Variants in TBL1X observed in about 807,000 individuals in gnomAD.
TBL1X encodes the protein transducin beta like 1 X-linked.
Under a neutral mutation model 50.7 loss-of-function variants are expected in TBL1X, and 10 were observed. The observed-to-expected ratio is 0.20, with a 90% CI of 0.12 to 0.33. The LOEUF is 0.33. TBL1X is among the 10% of genes least tolerant of loss of function. TBL1X has a pLI of 1.00. For missense variants in TBL1X, 340 were observed against 504.4 expected (o/e 0.67, Z 3.12); for synonymous variants, 190 against 214.7 (o/e 0.88, Z 1.01).
chrX:9,669,977 TG>T (rs2082951181), intron 5 of TBL1X, among the ~76,000 whole-genome samples: 1 of 111,835 alleles, frequency 8.9e-6, no homozygotes, highest in Non-Finnish European at 1.9e-5. Flanking sequence ...CAAGCTAACC[TG>T]GGGGAAAAAT....
chrX:9,528,414 G>A (rs930144962), intron 2 of TBL1X, among the ~76,000 whole-genome samples: 3 of 110,837 alleles, frequency 2.7e-5, no homozygotes, highest in Non-Finnish European at 5.7e-5. Flanking sequence ...AGAGCGAGGA[G>A]TTCTCCCGAG....
chrX:9,621,310 C>G (rs994443139), intron 2 of TBL1X, among the ~76,000 whole-genome samples: 1 of 112,001 alleles, frequency 8.9e-6, no homozygotes, highest in African/African-American at 3.3e-5. Flanking sequence ...TTCAGAAACT[C>G]AGGGTGCCCA....
chrX:9,573,648 A>G (rs941991496), intron 2 of TBL1X, among the ~76,000 whole-genome samples: 3 of 112,534 alleles, frequency 2.7e-5, no homozygotes, highest in Non-Finnish European at 5.6e-5. Flanking sequence ...TCACCGTGCC[A>G]GGGATGCATT....
At chrX:9,607,964 ATTTTT>A (rs370098919) in intron 2 of TBL1X, among the ~76,000 whole-genome samples, 1 of 92,167 alleles carries the variant, frequency 1.1e-5, no homozygotes, top group Non-Finnish European at 2.2e-5. Flanking sequence ...CATGCCTGGA[ATTTTT>A]TTTTTTTTTT....
Position 9,552,941 on chromosome X carries a change from A to G in TBL1X, c.-131+51092A>G, listed in dbSNP as rs144999809. Among the ~76,000 whole-genome samples the G allele has an allele frequency of 6.9e-3, 768 of 111,476 alleles. 5 individuals carry two copies. Among genetic ancestry groups the G allele is most frequent in the African/African-American group, 0.024 (735 of 30,642 alleles). ...AAGGGTTATTTGAGCCCAGGAGTTC[A>G]AGGCCAGCCTGGGCAACAGAGAGAG... On this transcript the variant is annotated intron_variant, in intron 2 of 17. Transcript: ENST00000645353.
chrX:9,478,067 A>T lies in TBL1X; in HGVS notation c.-201+12620A>T, dbSNP rs745960954. On this transcript the variant is annotated intron_variant, in intron 1 of 17. Coordinates refer to ENST00000645353, the MANE Select transcript of TBL1X (RefSeq NM_005647.4). ...AGTAGTATAACAGGCATCGTGCCTCAGTTTCCTCATCTGTAAAATCAGGAT... is the reference window on the plus strand; with the variant it reads ...AGTAGTATAACAGGCATCGTGCCTCTGTTTCCTCATCTGTAAAATCAGGAT... Among the ~76,000 whole-genome samples the T allele has an allele frequency of 2.7e-5, 3 of 112,140 alleles. No homozygotes were observed. The South Asian group carries it at 1.1e-3, about 42-fold the overall frequency.
rs745608827 is a variant in TBL1X, at chrX:9,607,435, A to G, written c.-130-32838A>G. Among the ~76,000 whole-genome samples, 200 of 113,511 alleles carry G rather than the reference A, an allele frequency of 1.8e-3. 2 individuals carry two copies. The highest frequency in any genetic ancestry group is 6.0e-3 in the African/African-American group (189 of 31,323). On this transcript the variant is annotated intron_variant, in intron 2 of 17. Coordinates refer to ENST00000645353, the MANE Select transcript of TBL1X (RefSeq NM_005647.4). ...GGCACCGCCTCACCCTGGCACTTGC[A>G]TCGCCTGGAAACAAGGCAGAGCCCA... is the stretch of plus-strand genomic sequence containing the variant.
chrX:9,691,526 T>C, intron 7 of TBL1X, 53 bp from the exon 8 acceptor site: 1 of 1,176,929 alleles, frequency 8.5e-7, no homozygotes. Context: ...GCCCTTTAAG[T>C]GTGTTTCTCT....
In TBL1X at chrX:9,474,949, C is replaced by T. The variant is rs1300702258; in HGVS notation, c.-201+9502C>T. Among the ~76,000 whole-genome samples the T allele has an allele frequency of 2.7e-5, 3 of 112,560 alleles. No homozygotes were observed. In the South Asian group the frequency reaches 1.1e-3, roughly 41 times the overall value. On this transcript the variant is annotated intron_variant, in intron 1 of 17. Transcript: ENST00000645353. Reference sequence around the variant, plus strand: ...AGTGTAGTGGCGTGATCTCAGCTCACTGCAACCTCCGCCTCCTGGGTTCAA... The same window carrying T: ...AGTGTAGTGGCGTGATCTCAGCTCATTGCAACCTCCGCCTCCTGGGTTCAA...
chrX:9,610,131 G>C (rs1179385914), intron 2 of TBL1X, among the ~76,000 whole-genome samples: 1 of 111,978 alleles, frequency 8.9e-6, no homozygotes, highest in African/African-American at 3.3e-5. Flanking sequence ...GATTTTCCTA[G>C]GTGGGGCCTA....
At chrX:9,538,556 C>T (rs922559891) in intron 2 of TBL1X, among the ~76,000 whole-genome samples, 4 of 112,448 alleles carry the variant, frequency 3.6e-5, no homozygotes, top group African/African-American at 1.3e-4. Context: ...TTAGACTGTA[C>T]GTCCTTCAGA....
chrX:9,534,375 T>C (rs746935282), intron 2 of TBL1X, among the ~76,000 whole-genome samples: 54 of 111,628 alleles, frequency 4.8e-4, no homozygotes, highest in African/African-American at 1.8e-3. Context: ...GTATTATTCG[T>C]ATAGGGTTCT....
intron 5 of TBL1X, among the ~76,000 whole-genome samples, chrX:9,670,999 A>C (rs2082957391): frequency 1.8e-5 from 2 of 112,265 alleles, no homozygotes; most frequent in African/African-American, 3.2e-5. Flanking sequence ...ACATTAGTAG[A>C]GGATGAAAGT....
chrX:9,548,058 A>G (rs973425798), intron 2 of TBL1X, among the ~76,000 whole-genome samples: 9 of 107,961 alleles, frequency 8.3e-5, no homozygotes, highest in Admixed American at 8.1e-4. Flanking sequence ...GCAATGAAAT[A>G]AAGTTCAAGA....
chrX:9,596,214 C>G (rs1011813295), intron 2 of TBL1X, among the ~76,000 whole-genome samples: 5 of 112,092 alleles, frequency 4.5e-5, no homozygotes, highest in Admixed American at 9.4e-5. Flanking sequence ...GATGTAAAGT[C>G]TTTTTAAAAT....
At chrX:9,512,202 A>T (rs939636746) in intron 2 of TBL1X, among the ~76,000 whole-genome samples, 1 of 110,475 alleles carries the variant, frequency 9.1e-6, no homozygotes, top group Non-Finnish European at 1.9e-5. Flanking sequence ...TCTTGATGAC[A>T]CTGAAATCGT....
intron 2 of TBL1X, among the ~76,000 whole-genome samples, chrX:9,553,144 G>GA (rs934364940): frequency 8.4e-5 from 9 of 107,730 alleles, no homozygotes; most frequent in East Asian, 2.9e-4. Context: ...CACTGTCCCA[G>GA]AAAAAAAAAC....
chrX:9,514,442 G>C (rs929506706), intron 2 of TBL1X, among the ~76,000 whole-genome samples: 1 of 111,753 alleles, frequency 8.9e-6, no homozygotes, highest in African/African-American at 3.3e-5. Flanking sequence ...GTTTGTTGCA[G>C]TTAGTTTTTA....
At chrX:9,687,932 C>A (rs1021082667) in intron 6 of TBL1X, 85 bp from the exon 7 acceptor site, 378 of 1,135,151 alleles carry the variant, frequency 3.3e-4, no homozygotes, top group Non-Finnish European at 3.7e-4. Flanking sequence ...CACTTCCCTG[C>A]GCTTCTCCTG....
Sources: allele counts gnomAD v4.1 joint callset (sites outside exome capture counted in the v4.1 genomes callset), GRCh38; gene constraint gnomAD v4.1.1; transcripts MANE v1.5; gene names NCBI Gene and HGNC (gene_info 2026-07-23, HGNC 2026-07-21).